Variants in DPP6 observed in about 807,000 individuals in gnomAD.
DPP6 encodes the protein A-type potassium channel modulatory protein DPP6.
In DPP6, 69 loss-of-function variants were observed where a neutral mutation model predicts 122.6. That is an observed-to-expected ratio of 0.56 (90% confidence interval 0.46 to 0.69). The LOEUF (loss-of-function observed/expected upper bound fraction) is 0.69. Ranked by LOEUF, DPP6 falls within the 30% of genes least tolerant of loss-of-function variation. The pLI is 0.00. For missense variants in DPP6, 928 were observed against 1,116.9 expected (o/e 0.83, Z 2.41); for synonymous variants, 418 against 433.1 (o/e 0.97, Z 0.43).
chr7:154,508,051 T>C (rs1315958274), intron 3 of DPP6, among the ~76,000 whole-genome samples: 2 of 152,212 alleles, frequency 1.3e-5, no homozygotes, highest in African/African-American at 2.4e-5. Context: ...TATTATTTGC[T>C]TTGTAAGCAA....
chr7:154,317,936 T>A (rs1807576827), intron 1 of DPP6, among the ~76,000 whole-genome samples: 1 of 152,206 alleles, frequency 6.6e-6, no homozygotes, highest in Non-Finnish European at 1.5e-5. Flanking sequence ...ACCTCATGGC[T>A]TGAATGACAT....
Position 153,991,611 on chromosome 7 carries a change from C to A in DPP6, c.51+103877C>A, listed in dbSNP as rs373624156. ...ATCCAGTGGCCTCTGGCTGCACCTG[C>A]CTTTGCATCATGACTTTGTCCAATC... is the stretch of plus-strand genomic sequence containing the variant. On this transcript the variant is annotated intron_variant, in intron 1 of 25. Coordinates refer to the DPP6 transcript ENST00000404039. 2.0e-5 allele frequency among the ~76,000 whole-genome samples: 3 copies of A among 152,320 alleles called. No individual in the cohort carries two copies. In the South Asian group the frequency reaches 6.2e-4, roughly 32 times the overall value.
chr7:154,706,420 G>A (rs1378730141), intron 7 of DPP6, among the ~76,000 whole-genome samples: 1 of 152,132 alleles, frequency 6.6e-6, no homozygotes, highest in Non-Finnish European at 1.5e-5. Flanking sequence ...GTGCCCTGTT[G>A]GCACTTTTTA....
chr7:154,430,097 G>A (rs1035495994), intron 1 of DPP6, among the ~76,000 whole-genome samples: 1 of 152,034 alleles, frequency 6.6e-6, no homozygotes, highest in Non-Finnish European at 1.5e-5. Flanking sequence ...AGAATCTCAG[G>A]GTTTGGCACT....
chr7:154,198,960 C>T (rs1357374811), intron 1 of DPP6, among the ~76,000 whole-genome samples: 1 of 151,918 alleles, frequency 6.6e-6, no homozygotes, highest in Non-Finnish European at 1.5e-5. Context: ...ATCACAGTTT[C>T]TGTTGATCAT....
chr7:153,878,578 G>C, the DPP6 span, among the ~76,000 whole-genome samples: 17 of 152,194 alleles, frequency 1.1e-4, no homozygotes, highest in Admixed American at 1.1e-3. Flanking sequence ...GCTAACTAGC[G>C]TTAGAAGTCA....
intron 1 of DPP6, among the ~76,000 whole-genome samples, chr7:154,045,717 A>G (rs1450174051): frequency 1.3e-5 from 2 of 152,244 alleles, no homozygotes; most frequent in Non-Finnish European, 2.9e-5. Context: ...TACCAAAAGG[A>G]GCAAGAAATT....
chr7:154,820,709 T>C (rs1799705430), intron 16 of DPP6, among the ~76,000 whole-genome samples: 1 of 152,084 alleles, frequency 6.6e-6, no homozygotes, highest in African/African-American at 2.4e-5. Flanking sequence ...ATCCAACGAA[T>C]GTAATCTCTT....
chr7:154,653,070 T>C (rs1272920109), intron 6 of DPP6, among the ~76,000 whole-genome samples: 1 of 152,168 alleles, frequency 6.6e-6, no homozygotes, highest in African/African-American at 2.4e-5. Context: ...CAAAAAGAAA[T>C]AAGATTTCCT....
In DPP6 at chr7:154,892,866, T is replaced by C. The variant is rs1806743128; in HGVS notation, c.*386T>C. On this transcript the variant is annotated 3_prime_UTR_variant, in exon 26 of 26. Transcript: ENST00000377770. The stretch of plus-strand genomic sequence containing the variant: ...AGCATGAGACCCGCCCACACTAGCC[T>C]CTGTGTTCCCGTTAGGGACATCACA... 1 of 535,290 alleles carries C rather than the reference T, an allele frequency of 1.9e-6. No homozygotes were observed. The highest frequency in any genetic ancestry group is 1.4e-5 in the South Asian group (1 of 71,722). 33.2% of individuals were successfully genotyped at this position (535,290 alleles called of 1,614,324 possible).
At position 154,053,035 on chromosome 7, in the gene DPP6, A is replaced by T. The variant is rs1018411032; in HGVS notation, c.215A>T (p.Gln72Leu). The T allele has an allele frequency of 5.6e-5, 59 of 1,054,212 alleles. No individual in the cohort carries two copies. Among genetic ancestry groups the T allele is most frequent in the Non-Finnish European group, 6.6e-5 (58 of 874,004 alleles). The allele number at this position is 1,054,212 out of a possible 1,614,324, so 65.3% of individuals were successfully genotyped here. A position where few individuals can be genotyped will look rare whatever the true frequency, so the allele number is the denominator to read the frequency against. The change falls in exon 1 of 26, where the codon CAG becomes CTG. Residue 72 changes from glutamine (Q) to leucine (L), a missense_variant. Coordinates refer to ENST00000377770, the MANE Select transcript of DPP6 (RefSeq NM_130797.4). ...GGTGGCCGGCCCCGGTTCCAGTACC[A>T]GGCGCGGAGCGATGGTGACGAGGAG... ...GAGGRPRFQY[Q>L]ARSDGDEEDE...
the DPP6 span, among the ~76,000 whole-genome samples, chr7:153,873,747 G>A: frequency 9.5e-3 from 1,440 of 152,288 alleles, 26 homozygotes; most frequent in African/African-American, 0.033. Flanking sequence ...TCCGCTATCA[G>A]GAACATCCAG....
At chr7:154,587,542 A>AT in intron 5 of DPP6, 1 of 1,233,642 alleles carries the variant, frequency 8.1e-7, no homozygotes, top group Non-Finnish European at 1.1e-6. Context: ...TTGCCCATTG[A>AT]TTTTTGTTTC....
At chr7:154,193,306 GT>G (rs1296040721) in intron 1 of DPP6, among the ~76,000 whole-genome samples, 1 of 152,224 alleles carries the variant, frequency 6.6e-6, no homozygotes, top group Non-Finnish European at 1.5e-5. Flanking sequence ...GCATTCTCGT[GT>G]GTAGTAGATA....
At chr7:154,222,359 A>G (rs977284608) in intron 1 of DPP6, among the ~76,000 whole-genome samples, 5 of 152,126 alleles carry the variant, frequency 3.3e-5, no homozygotes, top group African/African-American at 1.2e-4. Flanking sequence ...AGCAGATGAA[A>G]ATAATCTGCT....
intron 1 of DPP6, among the ~76,000 whole-genome samples, chr7:153,906,422 C>T (rs1799853526): frequency 6.6e-6 from 1 of 152,118 alleles, no homozygotes; most frequent in African/African-American, 2.4e-5. Flanking sequence ...CATTGTTTAA[C>T]TCCCAGTTAT....
chr7:154,357,396 G>C (rs191736161), intron 1 of DPP6, among the ~76,000 whole-genome samples: 158 of 151,752 alleles, frequency 1.0e-3, no homozygotes, highest in African/African-American at 3.7e-3. Context: ...AATGAAGTAA[G>C]GTCAATTGCA....
At chr7:153,930,073 G>T (rs1309123636) in intron 1 of DPP6, among the ~76,000 whole-genome samples, 1 of 152,152 alleles carries the variant, frequency 6.6e-6, no homozygotes, top group Non-Finnish European at 1.5e-5. Context: ...ACTAGCTTTG[G>T]ATAATTATTA....
rs1171905381 is a variant in DPP6 at position 154,769,434 on chromosome 7, C to A, written c.901C>A (p.His301Asn). 1.9e-6 allele frequency: 3 copies of A among 1,613,688 alleles called. No individual in the cohort carries two copies. The South Asian group carries it at 3.3e-5, about 18-fold the overall frequency. Residue 301 changes from histidine to asparagine, a missense_variant, in exon 9 of 26, where the codon CAC becomes AAC. Coordinates refer to ENST00000377770, the MANE Select transcript of DPP6 (RefSeq NM_130797.4). ...TCCCTTAGAGGAGATTTTGAAGACACACATCGCACACTGGTGGTCTCCGGA... is the reference window on the plus strand; with the variant it reads ...TCCCTTAGAGGAGATTTTGAAGACAAACATCGCACACTGGTGGTCTCCGGA... ...WLYEEEILKT[H>N]IAHWWSPDGT...
Sources: gnomAD v4.1 joint callset for allele counts (sites outside exome capture counted in the v4.1 genomes callset) on GRCh38, gnomAD v4.1.1 for gene constraint, MANE v1.5 for transcripts, NCBI Gene and HGNC (gene_info 2026-07-23, HGNC 2026-07-21) for gene names.